The following FLNB variants were observed in gnomAD, a reference collection of about 807,000 sequenced individuals.
FLNB encodes the protein filamin B.
Under a neutral mutation model 250.6 loss-of-function variants are expected in FLNB, and 111 were observed. The ratio of observed to expected loss-of-function variants is 0.44; its 90% CI spans 0.38 to 0.52. FLNB has a LOEUF of 0.52. Ranked by LOEUF, FLNB falls within the 20% of genes least tolerant of loss-of-function variation. The probability of loss-of-function intolerance (pLI) is 0.00; values close to 1 mark genes in which losing one functional copy is unlikely to be tolerated. For missense variants in FLNB, 2,869 were observed against 3,447.8 expected, an observed-to-expected ratio of 0.83 and a Z score of 4.20; for synonymous variants, 1,302 against 1,372.1, an observed-to-expected ratio of 0.95 and a Z score of 1.13.
At chr3:58,081,516 G>A in intron 3 of FLNB, 113 bp from the exon 4 acceptor site, 1 of 985,584 alleles carries the variant, frequency 1.0e-6, no homozygotes, top group Non-Finnish European at 1.6e-6. Context: ...TAATTGAGAA[G>A]CTGACTCAGT....
intron 40 of FLNB, 28 bp downstream of exon 40, chr3:58,154,956 A>G: frequency 6.2e-7 from 1 of 1,610,998 alleles, no homozygotes; most frequent in Non-Finnish European, 8.5e-7. Flanking sequence ...ACAAGAGGAC[A>G]TTTTCCTTGT....
chr3:58,109,253 G>A lies in FLNB; in HGVS notation c.2130G>A (p.Pro710=), dbSNP rs371850879. 8.1e-6 allele frequency: 13 copies of A among 1,614,074 alleles called. No individual in the cohort carries two copies. Among genetic ancestry groups the A allele is most frequent in the Admixed American group, 3.3e-5 (2 of 60,008 alleles). ...GCACATATGCATGCTCATACACCCCGGTGAAGGCCATCAAGCACACCATTG... is the reference window on the plus strand; with the variant it reads ...GCACATATGCATGCTCATACACCCCAGTGAAGGCCATCAAGCACACCATTG... ...MDGTYACSYT[P]VKAIKHTIAV... Residue 710 remains proline, a synonymous_variant, in exon 14 of 46, where the codon CCG becomes CCA. Transcript: ENST00000295956.
rs1388486923 is a variant in FLNB at position 58,130,921 on chromosome 3, C to A, written c.4390+13C>A. ...CTGGGCCCACGAGGTAAGTGTGCAC[C>A]CTGCCTTCCTGCAGACATTCATCTG... On this transcript the variant is annotated intron_variant, in intron 25 of 45. Coordinates refer to ENST00000295956, the MANE Select transcript of FLNB (RefSeq NM_001457.4). The A allele has an allele frequency of 1.9e-6, 3 of 1,605,464 alleles. No homozygotes were observed. Among genetic ancestry groups the A allele is most frequent in the Admixed American group, 3.4e-5 (2 of 59,258 alleles).
intron 38 of FLNB, chr3:58,150,715 A>AGATCTACAC: frequency 2.0e-5 from 4 of 203,010 alleles, no homozygotes; most frequent in South Asian, 1.8e-4. Flanking sequence ...TTGGGCCCCG[A>AGATCTACAC]TTAGCCAGTC....
At chr3:58,154,297 C>G (rs530036315) in intron 39 of FLNB, among the ~76,000 whole-genome samples, 1 of 151,986 alleles carries the variant, frequency 6.6e-6, no homozygotes, top group African/African-American at 2.4e-5. Context: ...AACTCTAGCA[C>G]TTTGCAAGGC....
intron 1 of FLNB, among the ~76,000 whole-genome samples, chr3:58,043,141 C>CTT (rs58727890): frequency 0.056 from 5,678 of 101,404 alleles, 186 homozygotes; most frequent in African/African-American, 0.075. Flanking sequence ...TTTGGCATTC[C>CTT]TTTTTTTTTT....
At chr3:58,023,482 GA>G (rs767633795) in intron 1 of FLNB, among the ~76,000 whole-genome samples, 5 of 152,158 alleles carry the variant, frequency 3.3e-5, no homozygotes, top group South Asian at 2.1e-4. Context: ...AAAATATAAA[GA>G]AAAAAATCAC....
intron 39 of FLNB, 108 bp downstream of exon 39, chr3:58,153,749 G>A: frequency 7.8e-7 from 1 of 1,283,024 alleles, no homozygotes; most frequent in Non-Finnish European, 1.1e-6. Flanking sequence ...ACTTCTGATA[G>A]GTGGCATTAA....
At chr3:58,081,587 GTGAT>G (rs1407726291) in intron 3 of FLNB, 38 bp from the exon 4 acceptor site, 3 of 1,603,392 alleles carry the variant, frequency 1.9e-6, no homozygotes, top group Non-Finnish European at 2.6e-6. Context: ...TAGTTGCAAA[GTGAT>G]GTGTTCTGGG....
At chr3:58,080,568 C>T (rs1051933202) in intron 3 of FLNB, among the ~76,000 whole-genome samples, 1 of 149,414 alleles carries the variant, frequency 6.7e-6, no homozygotes, top group Non-Finnish European at 1.5e-5. Flanking sequence ...GATCTCAGCT[C>T]ACTGCAACCT....
intron 4 of FLNB, 91 bp from the exon 5 acceptor site, chr3:58,094,745 A>G (rs2097235027): frequency 9.3e-7 from 1 of 1,079,820 alleles, no homozygotes; most frequent in Non-Finnish European, 1.4e-6. Flanking sequence ...GCTGGGTCCC[A>G]TCTCTCAGTT....
chr3:58,150,045 T>C (rs2097342223), intron 37 of FLNB, 43 bp downstream of exon 37: 1 of 1,614,286 alleles, frequency 6.2e-7, no homozygotes, highest in East Asian at 2.2e-5. Context: ...GCTTGGGTTT[T>C]CTGTAAATGC....
chr3:58,153,351 C>A lies in FLNB; in HGVS notation c.6368-24C>A. Reference sequence around the variant, plus strand: ...GCCCTTGCCCTAACCCTCTTCTCTCCCCCAACCTCCCTCCCTCTTTCAGAA... The same window carrying A: ...GCCCTTGCCCTAACCCTCTTCTCTCACCCAACCTCCCTCCCTCTTTCAGAA... On this transcript the variant is annotated intron_variant, in intron 38 of 45. Coordinates refer to ENST00000295956, the MANE Select transcript of FLNB (RefSeq NM_001457.4). 2.5e-6 allele frequency: 4 copies of A among 1,614,106 alleles called. No individual in the cohort carries two copies. In the South Asian group the frequency reaches 4.4e-5, roughly 18 times the overall value.
intron 43 of FLNB, among the ~76,000 whole-genome samples, chr3:58,166,895 G>C (rs891672519): frequency 1.3e-5 from 2 of 152,036 alleles, no homozygotes; most frequent in African/African-American, 4.8e-5. Context: ...GGAGACCAAG[G>C]TGGGCAGATC....
At position 58,096,132 on chromosome 3, in the gene FLNB, C is replaced by T. The variant is rs775286882; in HGVS notation, c.907-9C>T. 6.2e-7 allele frequency: 1 copy of T among 1,611,530 alleles called. No homozygotes were observed. The highest frequency in any genetic ancestry group is 8.5e-7 in the Non-Finnish European group (1 of 1,177,872). On this transcript the variant is annotated splice_polypyrimidine_tract_variant and intron_variant, in intron 5 of 45. Transcript: ENST00000295956. ...ACCTTTTCTAACTGTTGCCCACCTTCCCTCCTAGGCACAAGTGACCCCTGA... is the reference window on the plus strand; with the variant it reads ...ACCTTTTCTAACTGTTGCCCACCTTTCCTCCTAGGCACAAGTGACCCCTGA...
At chr3:58,017,631 G>A (rs970445864) in intron 1 of FLNB, among the ~76,000 whole-genome samples, 7 of 152,182 alleles carry the variant, frequency 4.6e-5, no homozygotes, top group African/African-American at 1.7e-4. Context: ...TGCCCTCTAA[G>A]AGCCTTAGAG....
chr3:58,130,891 G>C lies in FLNB; in HGVS notation c.4373G>C (p.Arg1458Thr). 1 of 1,611,960 alleles carries C rather than the reference G, an allele frequency of 6.2e-7. No individual in the cohort carries two copies. Among genetic ancestry groups the C allele is most frequent in the Non-Finnish European group, 8.5e-7 (1 of 1,179,444 alleles). The change falls in exon 25 of 46, where the codon AGG (arginine) becomes ACG (threonine). Residue 1458 changes from arginine to threonine, a missense_variant. Arg to Thr is a moderately conservative substitution (Grantham distance 71). Around this residue, in one of 5 missense-constraint regions of FLNB, gnomAD observed 1,348 missense variants for 1,466.7 expected, o/e 0.92. Transcript: ENST00000295956. ...GCTGGCCTGGCTCCGCTGGAAGTGA[G>C]GGTTCTGGGCCCACGAGGTAAGTGT... ...SKAGLAPLEV[R>T]VLGPRGLVEP... is the part of the protein sequence containing the mutation.
rs752020143 is a variant in FLNB, at chr3:58,130,725, A to G, written c.4223-16A>G. 8.1e-6 allele frequency: 13 copies of G among 1,609,788 alleles called. No individual in the cohort carries two copies. The highest frequency in any genetic ancestry group is 1.7e-5 in the Admixed American group (1 of 59,592). On this transcript the variant is annotated splice_polypyrimidine_tract_variant and intron_variant, in intron 24 of 45. Transcript: ENST00000295956. ...ATTCCCAGCTTGTGCTCAGAATCCC[A>G]CAACCTCTCTTCCAGGCAGCCCCTT... is the stretch of plus-strand genomic sequence containing the variant.
chr3:58,041,338 G>T (rs554686082), intron 1 of FLNB, among the ~76,000 whole-genome samples: 2 of 152,200 alleles, frequency 1.3e-5, no homozygotes, highest in Non-Finnish European at 1.5e-5. Context: ...GATTTCCAGC[G>T]CTGAACCAGC....
Sources: allele counts gnomAD v4.1 joint callset (sites outside exome capture counted in the v4.1 genomes callset), GRCh38; gene constraint gnomAD v4.1.1; regional missense constraint gnomAD v4.1.1; transcripts MANE v1.5; gene names NCBI Gene and HGNC (gene_info 2026-07-23, HGNC 2026-07-21).